CRB1: variants seen among roughly 807,000 people sequenced by gnomAD.
CRB1 encodes protein crumbs homolog 1.
CRB1 carries 83 observed loss-of-function variants against 120.0 expected under a neutral mutation model. The ratio of observed to expected loss-of-function variants is 0.69; its 90% CI spans 0.58 to 0.83. The LOEUF is 0.83. Among genes scored for constraint, CRB1 ranks in the 40% least tolerant of loss-of-function variants. The pLI, the probability that CRB1 is intolerant of heterozygous loss-of-function variation, is 0.00. For synonymous variants in CRB1, 625 were observed against 612.5 expected (o/e 1.02, Z -0.30); for missense variants, 1,699 against 1,687.6 (o/e 1.01, Z -0.12).
intron 9 of CRB1, among the ~76,000 whole-genome samples, chr1:197,436,150 G>A (rs1297716450): frequency 1.3e-5 from 2 of 152,050 alleles, no homozygotes; most frequent in Non-Finnish European, 2.9e-5. Context: ...ACAACTATCA[G>A]CCTGGTTGAC....
intron 1 of CRB1, among the ~76,000 whole-genome samples, chr1:197,289,110 C>A (rs1656012144): frequency 6.6e-6 from 1 of 151,328 alleles, no homozygotes; most frequent in Admixed American, 6.6e-5. Context: ...CGGGACAGAC[C>A]AGAGACAGAC....
chr1:197,351,292 G>A (rs1255038160), intron 4 of CRB1, among the ~76,000 whole-genome samples: 10 of 149,732 alleles, frequency 6.7e-5, no homozygotes, highest in African/African-American at 1.5e-4. Context: ...CCTGGGAGGC[G>A]GAGGTTGCAG....
At chr1:197,214,281 C>T in the CRB1 span, among the ~76,000 whole-genome samples, 2 of 152,090 alleles carry the variant, frequency 1.3e-5, no homozygotes, top group African/African-American at 4.8e-5. Context: ...TGGCTTTGAA[C>T]TGCGTGAGTC....
At chr1:197,234,402 A>C in the CRB1 span, among the ~76,000 whole-genome samples, 6 of 152,214 alleles carry the variant, frequency 3.9e-5, no homozygotes, top group African/African-American at 1.4e-4. Flanking sequence ...TGTAGTGAGG[A>C]ACAGAAGCCT....
At chr1:197,356,074 T>C (rs1043907248) in intron 4 of CRB1, among the ~76,000 whole-genome samples, 3 of 152,238 alleles carry the variant, frequency 2.0e-5, no homozygotes, top group African/African-American at 7.2e-5. Flanking sequence ...GCAGTAGTTA[T>C]AAATTGTGAG....
At chr1:197,256,197 A>G in the CRB1 span, among the ~76,000 whole-genome samples, 8 of 150,278 alleles carry the variant, frequency 5.3e-5, no homozygotes, top group African/African-American at 2.0e-4. Context: ...CTCGTTAATC[A>G]CTCTGTTCTT....
At position 197,434,693 on chromosome 1, in the gene CRB1, C is replaced by T. The variant is rs199808176; in HGVS notation, c.2843-13C>T. ...TAATAAAGTTATTGATTATTATCAC[C>T]TTCTCTCATTAGGTATTGCAAATGC... is the stretch of plus-strand genomic sequence containing the variant. On this transcript the variant is annotated splice_polypyrimidine_tract_variant and intron_variant, in intron 8 of 11. Coordinates refer to ENST00000367400, the MANE Select transcript of CRB1 (RefSeq NM_201253.3). 315 of 1,605,584 alleles carry T rather than the reference C, an allele frequency of 2.0e-4. No homozygotes were observed. The African/African-American group carries it at 3.8e-3, about 20-fold the overall frequency.
the CRB1 span, among the ~76,000 whole-genome samples, chr1:197,203,924 G>A: frequency 6.6e-6 from 1 of 152,094 alleles, no homozygotes. Context: ...TACCTAATGT[G>A]TAGCCTTTTA....
At chr1:197,428,866 AAC>A (rs1664730470) in intron 7 of CRB1, 3 of 1,178,564 alleles carry the variant, frequency 2.5e-6, no homozygotes, top group Non-Finnish European at 3.5e-6. Flanking sequence ...ACCCAGGACA[AAC>A]ACAGTTCATG....
chr1:197,293,045 T>C (rs970525592), intron 1 of CRB1, among the ~76,000 whole-genome samples: 2 of 152,024 alleles, frequency 1.3e-5, no homozygotes. Flanking sequence ...CAATATAGTG[T>C]TGGAAGTTCT....
At chr1:197,371,629 A>C (rs1177332944) in intron 5 of CRB1, among the ~76,000 whole-genome samples, 1 of 152,090 alleles carries the variant, frequency 6.6e-6, no homozygotes, top group African/African-American at 2.4e-5. Flanking sequence ...AAAAGACATA[A>C]AACTTTGTGT....
chr1:197,392,722 A>G (rs1019865305), intron 5 of CRB1, among the ~76,000 whole-genome samples: 12 of 152,172 alleles, frequency 7.9e-5, no homozygotes, highest in Non-Finnish European at 1.6e-4. Context: ...CAGAGCTTGT[A>G]ATAAAATACA....
At position 197,420,761 on chromosome 1, in the gene CRB1, C is replaced by A. The variant is rs751830205; in HGVS notation, c.1172-239C>A. On this transcript the variant is annotated intron_variant, in intron 5 of 11. Transcript: ENST00000367400. Reference sequence around the variant, plus strand: ...AGTTGGAATCAATCACAGTATTTGGCAAATTATTCCTAGAGGAAGAATACA... The same window carrying A: ...AGTTGGAATCAATCACAGTATTTGGAAAATTATTCCTAGAGGAAGAATACA... Among the ~76,000 whole-genome samples, 4 of 152,298 alleles carry A rather than the reference C, an allele frequency of 2.6e-5. No individual in the cohort carries two copies. The East Asian group carries it at 7.7e-4, about 29-fold the overall frequency.
At chr1:197,434,628 T>C in intron 8 of CRB1, 78 bp from the exon 9 acceptor site, 1 of 1,225,444 alleles carries the variant, frequency 8.2e-7, no homozygotes, top group Admixed American at 1.7e-5. Context: ...AACACAATGA[T>C]CATTACTATT....
chr1:197,232,808 A>G, the CRB1 span, among the ~76,000 whole-genome samples: 2 of 152,054 alleles, frequency 1.3e-5, no homozygotes, highest in East Asian at 3.9e-4. Context: ...ATAAATATAC[A>G]AACATTTTAA....
intron 9 of CRB1, among the ~76,000 whole-genome samples, chr1:197,436,959 A>G (rs1213038441): frequency 6.6e-6 from 1 of 152,134 alleles, no homozygotes; most frequent in Non-Finnish European, 1.5e-5. Flanking sequence ...TAGTTCTTGT[A>G]ACTACCTCCA....
the CRB1 span, among the ~76,000 whole-genome samples, chr1:197,227,246 A>G: frequency 6.6e-6 from 1 of 152,144 alleles, no homozygotes; most frequent in Admixed American, 6.5e-5. Context: ...ATCAAAAGCA[A>G]GCTAGTTACT....
chr1:197,322,486 A>T (rs893920419), intron 1 of CRB1, among the ~76,000 whole-genome samples: 1 of 151,250 alleles, frequency 6.6e-6, no homozygotes, highest in Non-Finnish European at 1.5e-5. Context: ...AATAATAATA[A>T]TAATTTTTAT....
intron 5 of CRB1, among the ~76,000 whole-genome samples, chr1:197,404,269 G>A (rs1382913136): frequency 1.3e-5 from 2 of 151,960 alleles, no homozygotes; most frequent in African/African-American, 4.8e-5. Context: ...TGCAGGATAT[G>A]AAAACCACGT....
Sources: gnomAD v4.1 joint callset for allele counts (sites outside exome capture counted in the v4.1 genomes callset) on GRCh38, gnomAD v4.1.1 for gene constraint, MANE v1.5 for transcripts, NCBI Gene and HGNC (gene_info 2026-07-23, HGNC 2026-07-21) for gene names.